HHAT: variants seen among roughly 807,000 people sequenced by gnomAD.
HHAT encodes protein-cysteine N-palmitoyltransferase HHAT.
Under a neutral mutation model 70.8 loss-of-function variants are expected in HHAT, and 47 were observed. The observed-to-expected ratio is 0.66, with a 90% CI of 0.53 to 0.85. The LOEUF is 0.85. Among genes scored for constraint, HHAT ranks in the 40% least tolerant of loss-of-function variants. The pLI is 0.00. For missense variants in HHAT, 609 were observed against 604.8 expected, an observed-to-expected ratio of 1.01 and a Z score of -0.07; for synonymous variants, 228 against 247.6, an observed-to-expected ratio of 0.92 and a Z score of 0.74.
chr1:210,668,563 T>C (rs1679418934), intron 11 of HHAT, among the ~76,000 whole-genome samples: 1 of 152,218 alleles, frequency 6.6e-6, no homozygotes, highest in African/African-American at 2.4e-5. Flanking sequence ...CCTTCTACCA[T>C]GATTGTGAGG....
intron 10 of HHAT, among the ~76,000 whole-genome samples, chr1:210,619,155 G>A (rs1001559719): frequency 2.6e-5 from 4 of 152,124 alleles, no homozygotes; most frequent in Non-Finnish European, 4.4e-5. Flanking sequence ...TGAAGAGTGG[G>A]TATATTCACA....
intron 9 of HHAT, among the ~76,000 whole-genome samples, chr1:210,524,417 C>T (rs954048618): frequency 2.0e-5 from 3 of 152,042 alleles, no homozygotes; most frequent in African/African-American, 7.2e-5. Flanking sequence ...AGGAAGGAGT[C>T]ACCAGGGAAA....
intron 8 of HHAT, among the ~76,000 whole-genome samples, chr1:210,497,047 T>C (rs772106721): frequency 2.6e-5 from 4 of 152,226 alleles, no homozygotes; most frequent in Admixed American, 1.3e-4. Flanking sequence ...GTTATACTTT[T>C]AGCTGATCTT....
intron 4 of HHAT, among the ~76,000 whole-genome samples, chr1:210,397,556 A>ATT (rs5780574): frequency 2.7e-4 from 41 of 149,380 alleles, no homozygotes; most frequent in East Asian, 1.2e-3. Context: ...ATGCAACACA[A>ATT]TTTTTTTTTT....
chr1:210,604,329 G>T (rs1239588209), intron 10 of HHAT, among the ~76,000 whole-genome samples: 20 of 150,896 alleles, frequency 1.3e-4, no homozygotes, highest in Admixed American at 1.3e-3. Context: ...CTCATGACCT[G>T]CCCACTTCGG....
chr1:210,421,328 G>A (rs1337928931), intron 7 of HHAT, among the ~76,000 whole-genome samples: 5 of 152,060 alleles, frequency 3.3e-5, no homozygotes, highest in South Asian at 4.1e-4. Context: ...AGAAATTCAC[G>A]TATCTTTTAA....
At chr1:210,498,099 T>C (rs2094685356) in intron 8 of HHAT, among the ~76,000 whole-genome samples, 2 of 152,106 alleles carry the variant, frequency 1.3e-5, no homozygotes, top group African/African-American at 2.4e-5. Context: ...AGCTATCAAC[T>C]TCTGTGGTCA....
chr1:210,434,008 A>G (rs1313158969), intron 7 of HHAT, among the ~76,000 whole-genome samples: 1 of 151,988 alleles, frequency 6.6e-6, no homozygotes, highest in Non-Finnish European at 1.5e-5. Flanking sequence ...TTTAGAGAAC[A>G]CTGATATTTG....
intron 7 of HHAT, among the ~76,000 whole-genome samples, chr1:210,428,709 G>A (rs2093152640): frequency 6.6e-6 from 1 of 151,738 alleles, no homozygotes; most frequent in Non-Finnish European, 1.5e-5. Flanking sequence ...AGGTGTGGTG[G>A]CTCATGCCTA....
intron 7 of HHAT, among the ~76,000 whole-genome samples, chr1:210,440,189 C>T (rs1290653014): frequency 6.6e-6 from 1 of 151,680 alleles, no homozygotes; most frequent in East Asian, 1.9e-4. Context: ...AGACATCATG[C>T]CCTTAGTAGT....
chr1:210,327,794 C>G (rs1031442948), upstream of HHAT, among the ~76,000 whole-genome samples: 3 of 152,136 alleles, frequency 2.0e-5, no homozygotes, highest in Admixed American at 1.3e-4. Flanking sequence ...CGTGGGCCAC[C>G]GCGCCCAGCC....
intron 10 of HHAT, chr1:210,589,969 G>A (rs192629831): frequency 5.3e-5 from 8 of 152,282 alleles, no homozygotes; most frequent in African/African-American, 1.7e-4. Context: ...TATTTATTGA[G>A]CAAGAATATA....
intron 1 of HHAT, among the ~76,000 whole-genome samples, chr1:210,340,242 G>GGGGGGAAAAAAAAA (rs1553313987): frequency 5.0e-5 from 5 of 99,784 alleles, no homozygotes; most frequent in African/African-American, 1.7e-4. Flanking sequence ...CTCTGTCTCA[G>GGGGGGAAAAAAAAA]AAAAAAAAAA....
intron 9 of HHAT, among the ~76,000 whole-genome samples, chr1:210,553,479 C>A (rs2501911): frequency 0.47 from 70,906 of 152,054 alleles, 16,916 homozygotes; most frequent in Non-Finnish European, 0.5. Flanking sequence ...AGAGAAACTT[C>A]AGAAACATGA....
chr1:210,556,476 A>C (rs976833195), intron 9 of HHAT, among the ~76,000 whole-genome samples: 2 of 152,174 alleles, frequency 1.3e-5, no homozygotes, highest in Non-Finnish European at 2.9e-5. Context: ...CCTGCTGCTC[A>C]CCTGAACCCC....
intron 11 of HHAT, among the ~76,000 whole-genome samples, chr1:210,629,057 G>A (rs1037764277): frequency 1.2e-4 from 19 of 152,188 alleles, no homozygotes; most frequent in African/African-American, 4.3e-4. Context: ...AGAAGAGTTT[G>A]AGAAGCAGGT....
intron 10 of HHAT, among the ~76,000 whole-genome samples, chr1:210,619,313 C>T (rs1383107667): frequency 6.6e-6 from 1 of 152,108 alleles, no homozygotes; most frequent in Non-Finnish European, 1.5e-5. Flanking sequence ...TCAGGAGTGT[C>T]AGGGGAGGAA....
intron 7 of HHAT, among the ~76,000 whole-genome samples, chr1:210,450,881 G>A (rs1018762651): frequency 2.6e-5 from 4 of 151,910 alleles, no homozygotes; most frequent in Non-Finnish European, 5.9e-5. Context: ...AGGAGATCGA[G>A]ACCATCCTGG....
chr1:210,619,068 T>C (rs1241733239), intron 10 of HHAT, among the ~76,000 whole-genome samples: 1 of 152,128 alleles, frequency 6.6e-6, no homozygotes, highest in African/African-American at 2.4e-5. Context: ...CTCAGAGGAA[T>C]TGGAGGTCTG....
Sources: allele counts gnomAD v4.1 joint callset (sites outside exome capture counted in the v4.1 genomes callset), GRCh38; gene constraint gnomAD v4.1.1; transcripts MANE v1.5; gene names NCBI Gene and HGNC (gene_info 2026-07-23, HGNC 2026-07-21).